The following ARHGAP22 variants were observed in gnomAD, a reference collection of about 807,000 sequenced individuals.
ARHGAP22 encodes the protein rho GTPase-activating protein 22.
A neutral mutation model predicts 59.1 loss-of-function variants in ARHGAP22; 48 were observed. The observed-to-expected ratio is 0.81, with a 90% CI of 0.64 to 1.03. The LOEUF is 1.03. Ranked by LOEUF, ARHGAP22 falls within the 50% of genes least tolerant of loss-of-function variation. The pLI is 0.00. For missense variants in ARHGAP22, 1,015 were observed against 958.7 expected, an observed-to-expected ratio of 1.06 and a Z score of -0.78; for synonymous variants, 445 against 416.4, an observed-to-expected ratio of 1.07 and a Z score of -0.84.
At chr10:48,486,895 AC>A (rs1157350936) in intron 3 of ARHGAP22, among the ~76,000 whole-genome samples, 1 of 152,124 alleles carries the variant, frequency 6.6e-6, no homozygotes, top group Non-Finnish European at 1.5e-5. Context: ...TTTTTCTTTC[AC>A]AACTGTTAAG....
rs554692887 is a variant in ARHGAP22, at chr10:48,495,397, A to G, written c.323-15633T>C. Among the ~76,000 whole-genome samples the G allele has an allele frequency of 2.0e-5, 3 of 152,354 alleles. No individual in the cohort carries two copies. In the East Asian group the frequency reaches 5.8e-4, roughly 29 times the overall value. ...GATGATACCCCATTTACAGATGAGA[A>G]CACAGAGGCTACAGAAGGTTGAATA... On this transcript the variant is annotated intron_variant, in intron 3 of 9. Transcript: ENST00000249601.
At chr10:48,475,704 C>T (rs2048654459) in intron 4 of ARHGAP22, among the ~76,000 whole-genome samples, 2 of 152,192 alleles carry the variant, frequency 1.3e-5, no homozygotes. Flanking sequence ...TGGGCCAGGC[C>T]ACCCTCACCT....
intron 3 of ARHGAP22, among the ~76,000 whole-genome samples, chr10:48,550,178 C>G (rs948390152): frequency 2.6e-5 from 4 of 152,230 alleles, no homozygotes; most frequent in African/African-American, 4.8e-5. Flanking sequence ...GTCGTTGTCA[C>G]TTTATCCTGG....
At chr10:48,548,325 G>T (rs1002804663) in intron 3 of ARHGAP22, among the ~76,000 whole-genome samples, 1 of 152,050 alleles carries the variant, frequency 6.6e-6, no homozygotes, top group African/African-American at 2.4e-5. Context: ...CTCCAACCAG[G>T]ACTCTTAATC....
At chr10:48,553,435 T>C (rs962513835) in intron 3 of ARHGAP22, among the ~76,000 whole-genome samples, 1 of 152,190 alleles carries the variant, frequency 6.6e-6, no homozygotes, top group African/African-American at 2.4e-5. Flanking sequence ...CTAGAATCTG[T>C]AGGGGTCCTC....
At chr10:48,576,683 T>C (rs1251317558) in intron 2 of ARHGAP22, among the ~76,000 whole-genome samples, 4 of 152,368 alleles carry the variant, frequency 2.6e-5, no homozygotes, top group Middle Eastern at 3.4e-3. Flanking sequence ...CGGCTTATCA[T>C]GAGGCAGCAA....
At chr10:48,507,416 A>G (rs951783844) in intron 3 of ARHGAP22, among the ~76,000 whole-genome samples, 1 of 152,226 alleles carries the variant, frequency 6.6e-6, no homozygotes, top group African/African-American at 2.4e-5. Context: ...AGGCAGTTAA[A>G]AAAGGATTGG....
intron 1 of ARHGAP22, among the ~76,000 whole-genome samples, chr10:48,647,239 C>G (rs1256017213): frequency 6.6e-6 from 1 of 152,034 alleles, no homozygotes; most frequent in Non-Finnish European, 1.5e-5. Flanking sequence ...ACTAAAAAGA[C>G]AATAACTAGC....
chr10:48,655,475 C>A (rs1479319334), upstream of ARHGAP22: 4 of 152,582 alleles, frequency 2.6e-5, no homozygotes, highest in Non-Finnish European at 5.9e-5. Context: ...GCTCTCCAGT[C>A]CCTCACCCCA....
intron 3 of ARHGAP22, chr10:48,546,375 T>C (rs1253561364): frequency 6.5e-6 from 1 of 152,798 alleles, no homozygotes; most frequent in African/African-American, 2.4e-5. Context: ...CTTTACTTTT[T>C]CCATAATGCC....
intron 1 of ARHGAP22, among the ~76,000 whole-genome samples, chr10:48,594,829 T>C (rs562295726): frequency 6.6e-6 from 1 of 152,262 alleles, no homozygotes; most frequent in African/African-American, 2.4e-5. Context: ...CTCCCTTTCC[T>C]GTTACATCTG....
At chr10:48,441,669 G>T (rs1429799499), downstream of ARHGAP22, among the ~76,000 whole-genome samples, 1 of 152,036 alleles carries the variant, frequency 6.6e-6, no homozygotes, top group Non-Finnish European at 1.5e-5. Context: ...AGCCAGGATG[G>T]TCTCAATCTC....
chr10:48,644,622 G>A lies in ARHGAP22; in HGVS notation c.52+7612C>T, dbSNP rs553184533. On this transcript the variant is annotated intron_variant, in intron 1 of 9. Coordinates refer to the ARHGAP22 transcript ENST00000435790. ...TAAATTAGAAATAACAACAGAAAGC[G>A]ATTTTGGAAACCCTCAAATATTTGG... Among the ~76,000 whole-genome samples the A allele has an allele frequency of 1.1e-4, 16 of 152,196 alleles. 1 individual carries two copies. Among genetic ancestry groups the A allele is most frequent in the South Asian group, 1.0e-3 (5 of 4,810 alleles).
At chr10:48,535,857 TG>T (rs2055299600) in intron 3 of ARHGAP22, among the ~76,000 whole-genome samples, 1 of 152,148 alleles carries the variant, frequency 6.6e-6, no homozygotes, top group African/African-American at 2.4e-5. Flanking sequence ...AAAAAGAGAA[TG>T]GCACATGGCA....
intron 1 of ARHGAP22, among the ~76,000 whole-genome samples, chr10:48,610,767 T>A (rs1208041734): frequency 6.6e-6 from 1 of 151,804 alleles, no homozygotes; most frequent in Non-Finnish European, 1.5e-5. Context: ...GCTGGAGGGG[T>A]CTGGGTTTGG....
chr10:48,566,143 A>G (rs73300232), intron 2 of ARHGAP22, among the ~76,000 whole-genome samples: 315 of 152,304 alleles, frequency 2.1e-3, no homozygotes, highest in African/African-American at 7.3e-3. Context: ...TGAAGAAACA[A>G]CTTCTGCAAT....
chr10:48,455,233 A>G (rs908743691), intron 5 of ARHGAP22, 99 bp from the exon 6 acceptor site: 95 of 1,387,276 alleles, frequency 6.8e-5, no homozygotes, highest in Non-Finnish European at 8.9e-5. Context: ...CTCTGGTCTC[A>G]GGTGCATTCT....
chr10:48,440,283 T>C, the ARHGAP22 span, among the ~76,000 whole-genome samples: 2 of 152,352 alleles, frequency 1.3e-5, no homozygotes, highest in Admixed American at 6.5e-5. Context: ...CAAAAGATAC[T>C]TCAAATATGC....
intron 1 of ARHGAP22, among the ~76,000 whole-genome samples, chr10:48,639,536 G>A (rs139669084): frequency 1.3e-5 from 2 of 152,290 alleles, no homozygotes; most frequent in Non-Finnish European, 2.9e-5. Context: ...GTTTGTATAT[G>A]ACATCTGTCT....
Sources: gnomAD v4.1 joint callset for allele counts (sites outside exome capture counted in the v4.1 genomes callset) on GRCh38, gnomAD v4.1.1 for gene constraint, MANE v1.5 for transcripts, NCBI Gene and HGNC (gene_info 2026-07-23, HGNC 2026-07-21) for gene names.